Variants in WFDC13 observed in about 807,000 individuals in gnomAD.
WFDC13 encodes WAP four-disulfide core domain 13.
WFDC13 carries 6 observed loss-of-function variants against 10.9 expected under a neutral mutation model. That is an observed-to-expected ratio of 0.55 (90% CI 0.30 to 1.09). The LOEUF (loss-of-function observed/expected upper bound fraction) is 1.09. Ranked by LOEUF, WFDC13 falls within the 50% of genes least tolerant of loss-of-function variation. The pLI is 0.06. For missense variants in WFDC13, 104 were observed against 109.6 expected (o/e 0.95, Z 0.23); for synonymous variants, 38 against 39.5 (o/e 0.96, Z 0.14).
Position 45,702,148 on chromosome 20 carries a change from T to C in WFDC13, c.25T>C (p.Phe9Leu), listed in dbSNP as rs1287774176. The C allele has an allele frequency of 1.2e-6, 2 of 1,613,448 alleles. No individual in the cohort carries two copies. Among genetic ancestry groups the C allele is most frequent in the South Asian group, 2.2e-5 (2 of 90,806 alleles). Residue 9 changes from phenylalanine to leucine, a missense_variant, in exon 1 of 4, where the codon TTC becomes CTC. Physicochemically the swap from Phe to Leu is conservative, Grantham distance 22. Coordinates refer to ENST00000305479, the MANE Select transcript of WFDC13 (RefSeq NM_172005.2). MKPVLPLQ[F>L]LVVFCLALQL... ...CATGAAGCCTGTGCTGCCTCTCCAG[T>C]TCCTGGTGGTGTTCTGCCTAGCACT...
intron 2 of WFDC13, chr20:45,704,923 GGT>G: frequency 1.9e-6 from 3 of 1,614,032 alleles, no homozygotes; most frequent in Non-Finnish European, 1.7e-6. Flanking sequence ...TGTACCTGCA[GGT>G]GTAACCAAAA....
chr20:45,705,765 TG>T, intron 2 of WFDC13, 97 bp from the exon 3 acceptor site: 1 of 1,145,780 alleles, frequency 8.7e-7, no homozygotes. Context: ...ATGAGCTTCA[TG>T]GTCTAATATT....
rs887674326 is a variant in WFDC13, at chr20:45,708,353, A to T, written c.*518A>T. 1 of 152,200 alleles carries T rather than the reference A, an allele frequency of 6.6e-6. No individual in the cohort carries two copies. The highest frequency in any genetic ancestry group is 6.5e-5 in the Admixed American group (1 of 15,274). The allele number at this position is 152,200 out of a possible 1,614,324, so 9.4% of individuals were successfully genotyped here. ...AGTGGGGGTGGTGAGGACCTGATAGAGTTGGATCAGTGACTAAGAGGCTGC... is the reference window on the plus strand; with the variant it reads ...AGTGGGGGTGGTGAGGACCTGATAGTGTTGGATCAGTGACTAAGAGGCTGC... On this transcript the variant is annotated 3_prime_UTR_variant, in exon 4 of 4. Coordinates refer to ENST00000305479, the MANE Select transcript of WFDC13 (RefSeq NM_172005.2).
At chr20:45,707,541 A>G (rs562243681) in intron 3 of WFDC13, among the ~76,000 whole-genome samples, 12 of 152,376 alleles carry the variant, frequency 7.9e-5, no homozygotes, top group Non-Finnish European at 1.8e-4. Flanking sequence ...ACATGTGGTT[A>G]GTAGCTACCA....
At chr20:45,703,739 AC>A (rs1984271691) in intron 1 of WFDC13, among the ~76,000 whole-genome samples, 1 of 152,194 alleles carries the variant, frequency 6.6e-6, no homozygotes, top group African/African-American at 2.4e-5. Flanking sequence ...TAGGAAGTCA[AC>A]ATAATGATGC....
chr20:45,703,162 T>C (rs1245486797), intron 1 of WFDC13, among the ~76,000 whole-genome samples: 2 of 152,136 alleles, frequency 1.3e-5, no homozygotes, highest in Non-Finnish European at 2.9e-5. Flanking sequence ...GGTCAAGACT[T>C]GAAAAGGGTG....
intron 2 of WFDC13, 172 bp downstream of exon 2, chr20:45,704,766 GA>G: frequency 7.6e-7 from 1 of 1,307,748 alleles, no homozygotes; most frequent in Non-Finnish European, 1.1e-6. Context: ...TAAAAGTCCT[GA>G]TTAGAAAAGC....
At chr20:45,703,808 G>GA (rs1984275237) in intron 1 of WFDC13, among the ~76,000 whole-genome samples, 1 of 152,166 alleles carries the variant, frequency 6.6e-6, no homozygotes, top group Non-Finnish European at 1.5e-5. Context: ...TCCTGATCGA[G>GA]AGACACCAAG....
chr20:45,702,334 ATTG>A, intron 1 of WFDC13, 123 bp downstream of exon 1: 1 of 993,608 alleles, frequency 1.0e-6, no homozygotes. Context: ...CCCAAGCTTT[ATTG>A]TTGGCAAGAT....
At chr20:45,704,377 T>G in intron 1 of WFDC13, 67 bp from the exon 2 acceptor site, 2 of 1,542,832 alleles carry the variant, frequency 1.3e-6, no homozygotes, top group Non-Finnish European at 1.7e-6. Flanking sequence ...TTCCCTGGGC[T>G]TTCTGAGTTC....
chr20:45,704,629 A>G (rs1430662445), intron 2 of WFDC13, 35 bp downstream of exon 2: 1 of 1,608,890 alleles, frequency 6.2e-7, no homozygotes, highest in Non-Finnish European at 8.5e-7. Context: ...CTGATCCTAG[A>G]GCTGCTGGTG....
intron 1 of WFDC13, among the ~76,000 whole-genome samples, chr20:45,702,424 G>A (rs1420647623): frequency 1.3e-5 from 2 of 152,180 alleles, no homozygotes; most frequent in East Asian, 3.9e-4. Flanking sequence ...TCCTTATAAT[G>A]AATACAGGAG....
At chr20:45,707,557 C>T (rs1367365504) in intron 3 of WFDC13, among the ~76,000 whole-genome samples, 1 of 152,182 alleles carries the variant, frequency 6.6e-6, no homozygotes, top group Non-Finnish European at 1.5e-5. Context: ...TACCATATTA[C>T]ACATTATAAA....
chr20:45,706,050 A>T, intron 3 of WFDC13, 123 bp downstream of exon 3: 1 of 781,490 alleles, frequency 1.3e-6, no homozygotes, highest in South Asian at 1.6e-5. Flanking sequence ...TCATTACCTG[A>T]TTGCCTCCTC....
At chr20:45,704,719 C>A in intron 2 of WFDC13, 125 bp downstream of exon 2, 1 of 1,419,752 alleles carries the variant, frequency 7.0e-7, no homozygotes. Context: ...GGCCATGTTG[C>A]CAACATGCCC....
intron 2 of WFDC13, chr20:45,704,813 T>A (rs1475167236): frequency 7.5e-7 from 1 of 1,341,558 alleles, no homozygotes; most frequent in East Asian, 2.3e-5. Flanking sequence ...CCCATCACCA[T>A]ATCCGTGAAT....
Position 45,702,151 on chromosome 20 carries a change from C to T in WFDC13, c.28C>T (p.Leu10=). The change falls in exon 1 of 4, where the codon CTG becomes TTG. Residue 10 remains leucine (L), a synonymous_variant. Transcript: ENST00000305479. ...GAAGCCTGTGCTGCCTCTCCAGTTCCTGGTGGTGTTCTGCCTAGCACTGCA... is the reference window on the plus strand; with the variant it reads ...GAAGCCTGTGCTGCCTCTCCAGTTCTTGGTGGTGTTCTGCCTAGCACTGCA... The part of the protein sequence containing the change: MKPVLPLQF[L]VVFCLALQLV... The T allele has an allele frequency of 1.2e-6, 2 of 1,613,490 alleles. No individual in the cohort carries two copies. The highest frequency in any genetic ancestry group is 1.7e-6 in the Non-Finnish European group (2 of 1,179,790).
In WFDC13 at chr20:45,705,903, T is replaced by G. The variant is rs1984371629; in HGVS notation, c.280T>G (p.Ter94GlyextTer48). 6.8e-6 allele frequency: 11 copies of G among 1,613,970 alleles called. No individual in the cohort carries two copies. The highest frequency in any genetic ancestry group is 9.3e-6 in the Non-Finnish European group (11 of 1,179,984). ...KGSEVIMPAN* is the reference protein window; with the variant it reads ...KGSEVIMPANG ...CTCAGAAGTCATCATGCCTGCCAAC[T>G]GAGGCATATTTCCTAGATCATTTTG... The change falls in exon 3 of 4, where the codon TGA (stop) becomes GGA (glycine). Residue 94 changes from the stop codon to glycine (G), a stop_lost. Coordinates refer to ENST00000305479, the MANE Select transcript of WFDC13 (RefSeq NM_172005.2).
In WFDC13 at chr20:45,708,805, C is replaced by T. The variant is rs1984500825; in HGVS notation, c.*970C>T. On this transcript the variant is annotated 3_prime_UTR_variant, in exon 4 of 4. Coordinates refer to ENST00000305479, the MANE Select transcript of WFDC13 (RefSeq NM_172005.2). ...CTTTTTCATTTCAAATAAATATTCA[C>T]TTACGTGTCTAATTTTGTATTAGTA... 2 of 152,140 alleles carry T rather than the reference C, an allele frequency of 1.3e-5. No homozygotes were observed. The highest frequency in any genetic ancestry group is 1.3e-4 in the Admixed American group (2 of 15,268). 9.4% of individuals were successfully genotyped at this position (152,140 alleles called of 1,614,324 possible).
Sources: allele counts gnomAD v4.1 joint callset (sites outside exome capture counted in the v4.1 genomes callset), GRCh38; gene constraint gnomAD v4.1.1; transcripts MANE v1.5; gene names NCBI Gene and HGNC (gene_info 2026-07-23, HGNC 2026-07-21).